BOLL: variants seen among roughly 807,000 people sequenced by gnomAD.
BOLL encodes protein boule-like.
In BOLL, 23 loss-of-function variants were observed where a neutral mutation model predicts 44.4. The observed-to-expected ratio is 0.52, with a 90% CI of 0.37 to 0.73. The LOEUF is 0.73. Ranked by LOEUF, BOLL falls within the 30% of genes least tolerant of loss-of-function variation. The pLI, the probability that BOLL is intolerant of heterozygous loss-of-function variation, is 0.00. For missense variants in BOLL, 287 were observed against 338.3 expected, an observed-to-expected ratio of 0.85 and a Z score of 1.19; for synonymous variants, 97 against 110.8, an observed-to-expected ratio of 0.88 and a Z score of 0.78.
chr2:197,739,891 GCT>G (rs1264002793), intron 10 of BOLL, among the ~76,000 whole-genome samples: 3 of 152,036 alleles, frequency 2.0e-5, no homozygotes, highest in African/African-American at 7.2e-5. Flanking sequence ...TTGTGATATA[GCT>G]CTCTCTCAGT....
At chr2:197,777,993 C>G (rs191306222) in intron 3 of BOLL, among the ~76,000 whole-genome samples, 1 of 151,864 alleles carries the variant, frequency 6.6e-6, no homozygotes, top group Non-Finnish European at 1.5e-5. Context: ...GTAGAACACA[C>G]ACGCCACCCA....
Position 197,768,985 on chromosome 2 carries a change from C to T in BOLL, c.481-2382G>A, listed in dbSNP as rs141338635. Among the ~76,000 whole-genome samples, 670 of 151,616 alleles carry T rather than the reference C, an allele frequency of 4.4e-3. 2 individuals are homozygous for T. The highest frequency in any genetic ancestry group is 0.017 in the Middle Eastern group (5 of 294). On this transcript the variant is annotated intron_variant, in intron 6 of 10. Transcript: ENST00000392296. ...ATGTTTATTGATTCGTGATGTTGAA[C>T]CAGCCTTGCATCCCAGGGATGAAGC...
chr2:197,771,997 A>C lies in BOLL; in HGVS notation c.353-15T>G. The stretch of plus-strand genomic sequence containing the variant: ...TATACTAGAACCTAAAGCAAAGATT[A>C]AATAATAATAATTGAAATGTTCAAT... On this transcript the variant is annotated splice_polypyrimidine_tract_variant and intron_variant, in intron 5 of 10. Transcript: ENST00000392296. The C allele has an allele frequency of 3.9e-6, 6 of 1,531,088 alleles. No individual in the cohort carries two copies. The highest frequency in any genetic ancestry group is 5.3e-6 in the Non-Finnish European group (6 of 1,131,088). 94.8% of individuals were successfully genotyped at this position (1,531,088 alleles called of 1,614,324 possible).
chr2:197,764,719 G>T (rs1039790276), intron 7 of BOLL, among the ~76,000 whole-genome samples: 9 of 152,046 alleles, frequency 5.9e-5, no homozygotes, highest in African/African-American at 1.4e-4. Context: ...AGGCATTTTT[G>T]TTGTTGTTGT....
intron 10 of BOLL, among the ~76,000 whole-genome samples, chr2:197,740,512 G>C (rs1559393801): frequency 6.6e-6 from 1 of 152,086 alleles, no homozygotes; most frequent in Admixed American, 6.6e-5. Context: ...GTATACATGG[G>C]TATAACTGGA....
chr2:197,757,610 T>G (rs549905423), intron 7 of BOLL, among the ~76,000 whole-genome samples: 4 of 152,210 alleles, frequency 2.6e-5, no homozygotes, highest in African/African-American at 9.6e-5. Context: ...TAGGTGTAAA[T>G]GCCTGTGACC....
chr2:197,775,084 T>C (rs1689446984), intron 5 of BOLL, among the ~76,000 whole-genome samples: 1 of 151,832 alleles, frequency 6.6e-6, no homozygotes, highest in African/African-American at 2.4e-5. Context: ...AAGTTAACTA[T>C]AAAGATGCCT....
intron 9 of BOLL, among the ~76,000 whole-genome samples, chr2:197,748,936 A>G (rs1172748410): frequency 6.6e-6 from 1 of 152,228 alleles, no homozygotes; most frequent in African/African-American, 2.4e-5. Context: ...GTGCCTCCTG[A>G]CTGGGAGATA....
In BOLL at chr2:197,781,993, C is replaced by A. The variant is rs540600345; in HGVS notation, c.-15-128G>T. 8.9e-5 allele frequency: 59 copies of A among 666,116 alleles called. No homozygotes were observed. The African/African-American group carries it at 1.1e-3, about 12-fold the overall frequency. 41.3% of individuals were successfully genotyped at this position (666,116 alleles called of 1,614,324 possible). A position where few individuals can be genotyped will look rare whatever the true frequency, so the allele number is the denominator to read the frequency against. ...GCAAAATATAGTATTCTAGGCTTTACTTTTAATATTATAAAAATTATAATT... is the reference window on the plus strand; with the variant it reads ...GCAAAATATAGTATTCTAGGCTTTAATTTTAATATTATAAAAATTATAATT... On this transcript the variant is annotated intron_variant, in intron 1 of 10. Coordinates refer to ENST00000392296, the MANE Select transcript of BOLL (RefSeq NM_033030.6).
At chr2:197,779,260 G>A (rs1689658547) in intron 2 of BOLL, among the ~76,000 whole-genome samples, 194 bp from the exon 3 acceptor site, 1 of 151,930 alleles carries the variant, frequency 6.6e-6, no homozygotes. Context: ...TAGCTATGTT[G>A]TTAAATTACC....
Position 197,756,518 on chromosome 2 carries a change from A to G in BOLL, c.639T>C (p.Pro213=). The change falls in exon 9 of 11, where the codon CCT becomes CCC. Residue 213 remains proline (P), a synonymous_variant. Coordinates refer to ENST00000392296, the MANE Select transcript of BOLL (RefSeq NM_033030.6). ...CCACTGGTTGATAAATAACCTCAGAAGGTTGCAGGTATAAGAATGGAGCAG... is the reference window on the plus strand; with the variant it reads ...CCACTGGTTGATAAATAACCTCAGAGGGTTGCAGGTATAAGAATGGAGCAG... ...ASSAPFLYLQ[P]SEVIYQPVEI... 1 of 1,612,292 alleles carries G rather than the reference A, an allele frequency of 6.2e-7. No homozygotes were observed. The highest frequency in any genetic ancestry group is 8.5e-7 in the Non-Finnish European group (1 of 1,178,780).
At chr2:197,758,500 G>C (rs1688614523) in intron 7 of BOLL, among the ~76,000 whole-genome samples, 1 of 152,190 alleles carries the variant, frequency 6.6e-6, no homozygotes, top group South Asian at 2.1e-4. Context: ...TGGTTGCCTA[G>C]CACTGGGATA....
intron 6 of BOLL, among the ~76,000 whole-genome samples, chr2:197,768,189 C>T (rs957755920): frequency 2.0e-5 from 3 of 151,812 alleles, no homozygotes; most frequent in Non-Finnish European, 4.4e-5. Context: ...ATGTGTCACG[C>T]TTTTTTATGG....
chr2:197,759,171 G>A (rs1362794854), intron 7 of BOLL, among the ~76,000 whole-genome samples: 1 of 152,156 alleles, frequency 6.6e-6, no homozygotes, highest in Non-Finnish European at 1.5e-5. Flanking sequence ...GAGTGCCGCA[G>A]GGGAGTGGAG....
intron 7 of BOLL, among the ~76,000 whole-genome samples, chr2:197,763,449 A>T (rs1469365370): frequency 1.4e-5 from 2 of 147,456 alleles, no homozygotes; most frequent in Non-Finnish European, 1.5e-5. Flanking sequence ...ACCACTGCAC[A>T]CTCCAGCCTG....
At chr2:197,751,142 A>C (rs973606809) in intron 9 of BOLL, among the ~76,000 whole-genome samples, 1 of 152,236 alleles carries the variant, frequency 6.6e-6, no homozygotes, top group African/African-American at 2.4e-5. Context: ...GGACACAGTT[A>C]ACACACTGTT....
intron 9 of BOLL, among the ~76,000 whole-genome samples, chr2:197,749,182 A>C (rs1688122159): frequency 6.6e-6 from 1 of 152,208 alleles, no homozygotes; most frequent in African/African-American, 2.4e-5. Context: ...ACAGAAAGCA[A>C]TAACATCAAC....
chr2:197,785,995 G>A (rs370533810), upstream of BOLL: 286 of 1,611,616 alleles, frequency 1.8e-4, no homozygotes, highest in Non-Finnish European at 2.2e-4. This position sits in a 1 kb window ranked among gnomAD's most constrained non-coding sequence, Gnocchi z 6.7. Context: ...GCCCGGACTC[G>A]GTTTCCATCT....
chr2:197,734,944 T>G (rs1687413129), intron 10 of BOLL, among the ~76,000 whole-genome samples: 1 of 151,948 alleles, frequency 6.6e-6, no homozygotes, highest in Admixed American at 6.6e-5. Flanking sequence ...TCCTAAAACT[T>G]AAAGTATAAT....
Sources: allele counts gnomAD v4.1 joint callset (sites outside exome capture counted in the v4.1 genomes callset), GRCh38; gene constraint gnomAD v4.1.1; non-coding constraint Gnocchi (gnomAD v3.1); transcripts MANE v1.5; gene names NCBI Gene and HGNC (gene_info 2026-07-23, HGNC 2026-07-21).